Variants in UNC13C observed in about 807,000 individuals in gnomAD.
UNC13C encodes unc-13 homolog C.
In UNC13C, 174 loss-of-function variants were observed where a neutral mutation model predicts 245.4. The observed-to-expected ratio is 0.71, with a 90% CI of 0.63 to 0.80. The LOEUF is 0.80. Among genes scored for constraint, UNC13C ranks in the 30% least tolerant of loss-of-function variants. The pLI is 0.00. For missense variants in UNC13C, 2,829 were observed against 2,602.9 expected, an observed-to-expected ratio of 1.09 and a Z score of -1.89; for synonymous variants, 992 against 895.1, an observed-to-expected ratio of 1.11 and a Z score of -1.93.
chr15:54,287,665 C>A (rs964649319), intron 10 of UNC13C, among the ~76,000 whole-genome samples: 1 of 152,120 alleles, frequency 6.6e-6, no homozygotes, highest in Admixed American at 6.6e-5. Flanking sequence ...GAGACAGCAT[C>A]AGAATACTAT....
chr15:54,157,911 T>C (rs1421801930), intron 4 of UNC13C, among the ~76,000 whole-genome samples: 3 of 152,172 alleles, frequency 2.0e-5, no homozygotes, highest in Admixed American at 2.0e-4. Context: ...AGAAAGAGAA[T>C]TAAATATATT....
chr15:54,164,498 AAAT>A (rs1485506793), intron 4 of UNC13C, among the ~76,000 whole-genome samples: 1 of 152,078 alleles, frequency 6.6e-6, no homozygotes, highest in African/African-American at 2.4e-5. Flanking sequence ...AAAAAAATCT[AAAT>A]AAATAAGTAA....
intron 4 of UNC13C, among the ~76,000 whole-genome samples, chr15:54,181,546 T>C (rs1178130675): frequency 2.6e-5 from 4 of 152,000 alleles, no homozygotes; most frequent in East Asian, 1.9e-4. Context: ...TTTGGTTCCA[T>C]GTGAATTTTA....
At chr15:54,266,066 A>C (rs1428497205) in intron 10 of UNC13C, among the ~76,000 whole-genome samples, 1 of 151,970 alleles carries the variant, frequency 6.6e-6, no homozygotes, top group Non-Finnish European at 1.5e-5. Flanking sequence ...ACTCCTTTGT[A>C]AAAAAATGAA....
intron 2 of UNC13C, among the ~76,000 whole-genome samples, chr15:54,093,594 A>G (rs1899687210): frequency 6.6e-6 from 1 of 152,228 alleles, no homozygotes; most frequent in Non-Finnish European, 1.5e-5. Flanking sequence ...TAATTACCAA[A>G]TGCACGTGGG....
At chr15:54,347,856 G>T (rs1387926028) in intron 17 of UNC13C, among the ~76,000 whole-genome samples, 1 of 152,028 alleles carries the variant, frequency 6.6e-6, no homozygotes, top group Admixed American at 6.6e-5. Context: ...GGAAATCTCT[G>T]TTATGAATTT....
intron 2 of UNC13C, among the ~76,000 whole-genome samples, chr15:54,066,571 C>A (rs1408643034): frequency 6.6e-6 from 1 of 152,188 alleles, no homozygotes; most frequent in Non-Finnish European, 1.5e-5. Context: ...GGCCACAGGG[C>A]TCTAGAGAGC....
At chr15:54,537,895 C>G (rs556395139) in intron 26 of UNC13C, among the ~76,000 whole-genome samples, 4 of 151,434 alleles carry the variant, frequency 2.6e-5, no homozygotes, top group Non-Finnish European at 4.4e-5. Context: ...TAGAAGAAAC[C>G]TAGGAAAAAC....
At chr15:53,927,992 C>G in the UNC13C span, among the ~76,000 whole-genome samples, 1 of 152,128 alleles carries the variant, frequency 6.6e-6, no homozygotes, top group African/African-American at 2.4e-5. Flanking sequence ...TTGACAACTT[C>G]AGAAATAATA....
chr15:53,844,314 A>G, the UNC13C span, among the ~76,000 whole-genome samples: 2 of 152,328 alleles, frequency 1.3e-5, no homozygotes, highest in Non-Finnish European at 2.9e-5. Context: ...AGAGAAACAG[A>G]GTCCAATGTC....
At chr15:54,575,973 T>G (rs1353471147) in intron 30 of UNC13C, among the ~76,000 whole-genome samples, 1 of 152,218 alleles carries the variant, frequency 6.6e-6, no homozygotes, top group Admixed American at 6.5e-5. Flanking sequence ...CAAAGAGCTA[T>G]GCACAAATAC....
At chr15:54,387,907 T>C (rs989076706) in intron 17 of UNC13C, among the ~76,000 whole-genome samples, 11 of 152,204 alleles carry the variant, frequency 7.2e-5, no homozygotes, top group African/African-American at 2.4e-4. Context: ...AGATCTTTAA[T>C]CATTGCTTAG....
At chr15:54,407,928 G>A (rs2040330674) in intron 18 of UNC13C, among the ~76,000 whole-genome samples, 1 of 151,982 alleles carries the variant, frequency 6.6e-6, no homozygotes, top group Admixed American at 6.6e-5. Context: ...TGGGCGGGGT[G>A]CGGTGGCTCA....
At chr15:54,038,691 C>T (rs1896692055) in intron 2 of UNC13C, among the ~76,000 whole-genome samples, 1 of 152,114 alleles carries the variant, frequency 6.6e-6, no homozygotes, top group Admixed American at 6.5e-5. Flanking sequence ...TTATCTTAAA[C>T]ATCTCAACAC....
intron 30 of UNC13C, among the ~76,000 whole-genome samples, chr15:54,618,424 C>A (rs1388256548): frequency 6.6e-6 from 1 of 152,108 alleles, no homozygotes; most frequent in Non-Finnish European, 1.5e-5. Flanking sequence ...ACAGGCAAAG[C>A]CTCTCATTAA....
At chr15:53,934,396 C>G in the UNC13C span, among the ~76,000 whole-genome samples, 3 of 152,158 alleles carry the variant, frequency 2.0e-5, no homozygotes, top group Non-Finnish European at 4.4e-5. Flanking sequence ...CTTTCCAACC[C>G]CCGCCTTTTT....
chr15:53,931,965 T>C, the UNC13C span, among the ~76,000 whole-genome samples: 1 of 152,144 alleles, frequency 6.6e-6, no homozygotes, highest in South Asian at 2.1e-4. Context: ...TCATCCAAAA[T>C]ACACCCCTCA....
the UNC13C span, among the ~76,000 whole-genome samples, chr15:53,915,015 T>A: frequency 6.6e-6 from 1 of 152,192 alleles, no homozygotes; most frequent in Non-Finnish European, 1.5e-5. Context: ...AATGTCATAA[T>A]GGAGGCTTTC....
At chr15:54,425,598 C>A (rs1239025127) in intron 19 of UNC13C, among the ~76,000 whole-genome samples, 1 of 151,748 alleles carries the variant, frequency 6.6e-6, no homozygotes, top group Non-Finnish European at 1.5e-5. Context: ...ATTTATTCAC[C>A]TCCTGAGAAG....
Sources: allele counts gnomAD v4.1 joint callset (sites outside exome capture counted in the v4.1 genomes callset), GRCh38; gene constraint gnomAD v4.1.1; transcripts MANE v1.5; gene names NCBI Gene and HGNC (gene_info 2026-07-23, HGNC 2026-07-21).